Variants in MACROD2 observed in about 807,000 individuals in gnomAD.
MACROD2 encodes the protein mono-ADP ribosylhydrolase 2.
Under a neutral mutation model 70.4 loss-of-function variants are expected in MACROD2, and 36 were observed. The observed-to-expected ratio is 0.51, with a 90% CI of 0.39 to 0.68. MACROD2 has a LOEUF of 0.68. Among genes scored for constraint, MACROD2 ranks in the 30% least tolerant of loss-of-function variants. The pLI, the probability that MACROD2 is intolerant of heterozygous loss-of-function variation, is 0.00. For missense variants in MACROD2, 496 were observed against 538.4 expected, an observed-to-expected ratio of 0.92 and a Z score of 0.78; for synonymous variants, 172 against 178.8, an observed-to-expected ratio of 0.96 and a Z score of 0.30.
chr20:15,701,692 C>T (rs537380775), intron 8 of MACROD2, among the ~76,000 whole-genome samples: 17 of 152,118 alleles, frequency 1.1e-4, no homozygotes, highest in Middle Eastern at 3.4e-3. Flanking sequence ...AGATTCAGGG[C>T]GTACATATGC....
At chr20:15,418,273 G>A (rs980317625) in intron 6 of MACROD2, among the ~76,000 whole-genome samples, 7 of 152,212 alleles carry the variant, frequency 4.6e-5, no homozygotes, top group African/African-American at 1.4e-4. Context: ...GAGACTGATA[G>A]CTGAAGCTCC....
chr20:15,948,285 G>A (rs2065853286), intron 12 of MACROD2, among the ~76,000 whole-genome samples: 1 of 150,366 alleles, frequency 6.7e-6, no homozygotes, highest in Non-Finnish European at 1.5e-5. Flanking sequence ...GAGCACAGTG[G>A]GAGGGACAAT....
chr20:15,189,992 A>G (rs2076559832), intron 5 of MACROD2, among the ~76,000 whole-genome samples: 1 of 152,166 alleles, frequency 6.6e-6, no homozygotes, highest in Non-Finnish European at 1.5e-5. Flanking sequence ...CCTGAGATGA[A>G]AAATGGCCTC....
chr20:15,520,345 G>A (rs992237343), intron 8 of MACROD2, among the ~76,000 whole-genome samples: 19 of 152,318 alleles, frequency 1.2e-4, no homozygotes, highest in African/African-American at 4.1e-4. Context: ...GAGTGGTTAT[G>A]GCATGGAGAC....
chr20:14,683,128 C>T (rs1036101191), intron 4 of MACROD2, among the ~76,000 whole-genome samples: 2 of 152,178 alleles, frequency 1.3e-5, no homozygotes, highest in Non-Finnish European at 2.9e-5. Flanking sequence ...ATCCGCCCGC[C>T]TCAGCCTCCT....
Position 15,338,420 on chromosome 20 carries a change from G to A in MACROD2, c.541-92985G>A, listed in dbSNP as rs894281350. Among the ~76,000 whole-genome samples the A allele has an allele frequency of 5.9e-5, 9 of 151,286 alleles. No homozygotes were observed. In the East Asian group the frequency reaches 1.5e-3, roughly 26 times the overall value. Reference sequence around the variant, plus strand: ...CTTCAAAGTGCCCTGCTGCCATAGCGGAACCACCAACAATCTTTTTCAAAA... The same window carrying A: ...CTTCAAAGTGCCCTGCTGCCATAGCAGAACCACCAACAATCTTTTTCAAAA... On this transcript the variant is annotated intron_variant, in intron 6 of 17. Transcript: ENST00000684519.
intron 2 of MACROD2, among the ~76,000 whole-genome samples, chr20:14,069,812 ATTTACT>A (rs2053814901): frequency 6.6e-6 from 1 of 151,142 alleles, no homozygotes; most frequent in Non-Finnish European, 1.5e-5. Context: ...TTTCCATGTG[ATTTACT>A]TTGACCAATG....
chr20:14,495,149 A>G (rs945601343), intron 4 of MACROD2, among the ~76,000 whole-genome samples: 6 of 151,670 alleles, frequency 4.0e-5, no homozygotes, highest in Non-Finnish European at 8.8e-5. Context: ...ATTAAAATCC[A>G]CAATAACAGT....
chr20:13,995,830 T>C lies in MACROD2; in HGVS notation c.46+21T>C. ...GAAAGGTAACCGGCCCGTCGAGTCC[T>C]GGGGGTGCGGGCGGTGGGGGTTAGG... On this transcript the variant is annotated intron_variant, in intron 1 of 17. Transcript: ENST00000684519. The surrounding 1 kb of genome is among the most constrained non-coding windows in gnomAD (Gnocchi z 4.3). 2.2e-6 allele frequency: 1 copy of C among 456,300 alleles called. No individual in the cohort carries two copies. The highest frequency in any genetic ancestry group is 4.0e-6 in the Non-Finnish European group (1 of 248,334). The allele number at this position is 456,300 out of a possible 1,614,324, so 28.3% of individuals were successfully genotyped here.
At chr20:15,805,765 C>T (rs949131256) in intron 8 of MACROD2, among the ~76,000 whole-genome samples, 9 of 152,198 alleles carry the variant, frequency 5.9e-5, no homozygotes, top group East Asian at 1.9e-4. Flanking sequence ...TGTGAGCCAC[C>T]GCATCTGGCC....
intron 5 of MACROD2, among the ~76,000 whole-genome samples, chr20:15,025,175 T>G (rs2075220503): frequency 6.6e-6 from 1 of 152,158 alleles, no homozygotes; most frequent in African/African-American, 2.4e-5. Flanking sequence ...TTATCCATAT[T>G]ATTCCATCTT....
At chr20:14,234,441 T>G (rs937572009) in intron 3 of MACROD2, among the ~76,000 whole-genome samples, 7 of 152,230 alleles carry the variant, frequency 4.6e-5, no homozygotes, top group African/African-American at 1.7e-4. Context: ...TTAGTTCATC[T>G]GTTATTTTCC....
chr20:15,427,726 G>T (rs1222557420), intron 6 of MACROD2, among the ~76,000 whole-genome samples: 1 of 152,172 alleles, frequency 6.6e-6, no homozygotes, highest in Non-Finnish European at 1.5e-5. Flanking sequence ...GGTGTGAACT[G>T]TCCTGAGCAG....
At chr20:14,714,097 CA>C (rs1490232769) in intron 5 of MACROD2, among the ~76,000 whole-genome samples, 3 of 152,068 alleles carry the variant, frequency 2.0e-5, no homozygotes, top group African/African-American at 4.8e-5. Context: ...AAAGCAACCT[CA>C]AAAATAGGTT....
At chr20:14,891,810 A>G (rs2073764436) in intron 5 of MACROD2, among the ~76,000 whole-genome samples, 1 of 152,180 alleles carries the variant, frequency 6.6e-6, no homozygotes, top group Admixed American at 6.5e-5. Flanking sequence ...ATGATTAGTG[A>G]CCAAATGAAA....
chr20:14,084,725 T>C (rs1027696107), intron 2 of MACROD2, among the ~76,000 whole-genome samples: 1 of 152,098 alleles, frequency 6.6e-6, no homozygotes, highest in East Asian at 1.9e-4. Context: ...TTTTAAAATC[T>C]AGTAGCACCC....
At chr20:15,812,888 C>A (rs2063835117) in intron 8 of MACROD2, among the ~76,000 whole-genome samples, 1 of 152,114 alleles carries the variant, frequency 6.6e-6, no homozygotes, top group African/African-American at 2.4e-5. Flanking sequence ...AGATCTGGTT[C>A]TGATTATTAT....
chr20:14,074,806 A>C (rs1193467838), intron 2 of MACROD2, among the ~76,000 whole-genome samples: 1 of 152,216 alleles, frequency 6.6e-6, no homozygotes, highest in Non-Finnish European at 1.5e-5. Flanking sequence ...ACCAGTGGTC[A>C]ACTGTGGTCT....
chr20:15,237,310 G>A (rs182950178), intron 6 of MACROD2, among the ~76,000 whole-genome samples: 276 of 152,308 alleles, frequency 1.8e-3, no homozygotes, highest in South Asian at 0.017. Context: ...TGCCCAAGCA[G>A]CAGGAGAGTT....
Sources: allele counts gnomAD v4.1 joint callset (sites outside exome capture counted in the v4.1 genomes callset), GRCh38; gene constraint gnomAD v4.1.1; non-coding constraint Gnocchi (gnomAD v3.1); transcripts MANE v1.5; gene names NCBI Gene and HGNC (gene_info 2026-07-23, HGNC 2026-07-21).